The following AARSD1 variants were observed in gnomAD, a reference collection of about 807,000 sequenced individuals.
AARSD1 encodes alanyl-tRNA editing protein Aarsd1.
AARSD1 carries 44 observed loss-of-function variants against 48.7 expected under a neutral mutation model. That is an observed-to-expected ratio of 0.90 (90% CI 0.71 to 1.16). AARSD1 has a LOEUF of 1.16. Ranked by LOEUF, AARSD1 falls within the 50% of genes most tolerant of loss-of-function variation. The pLI is 0.00. For missense variants in AARSD1, 511 were observed against 523.1 expected, an observed-to-expected ratio of 0.98 and a Z score of 0.23; for synonymous variants, 189 against 194.9, an observed-to-expected ratio of 0.97 and a Z score of 0.25.
At chr17:42,956,918 C>T (rs530208497) in intron 4 of AARSD1, among the ~76,000 whole-genome samples, 16 of 146,750 alleles carry the variant, frequency 1.1e-4, no homozygotes, top group Admixed American at 8.2e-4. Flanking sequence ...CCGCCCGCCT[C>T]GGCCTCCCAA....
At chr17:42,956,615 G>A in intron 4 of AARSD1, 55 bp from the exon 5 acceptor site, 3 of 1,298,004 alleles carry the variant, frequency 2.3e-6, no homozygotes, top group Admixed American at 2.7e-5. Context: ...AGAAAAAGCT[G>A]AAAGCTTTTC....
At chr17:42,959,658 A>G (rs28809209) in intron 3 of AARSD1, among the ~76,000 whole-genome samples, 6,841 of 147,424 alleles carry the variant, frequency 0.046, 526 homozygotes, top group African/African-American at 0.16. Flanking sequence ...GTGCCCAGCC[A>G]TTTCTCTTTT....
In AARSD1 at chr17:42,957,155, C is replaced by T. The variant is rs1470182387; in HGVS notation, c.372G>A (p.Lys124=). The T allele has an allele frequency of 6.2e-7, 1 of 1,613,482 alleles. No individual in the cohort carries two copies. The highest frequency in any genetic ancestry group is 1.1e-5 in the South Asian group (1 of 91,054). The change falls in exon 4 of 12, where the codon AAG becomes AAA. Residue 124 remains lysine (K), a synonymous_variant. Coordinates refer to ENST00000427569, the MANE Select transcript of AARSD1 (RefSeq NM_001261434.2). ...CCACTCACCATGATGTTGTCTTCAG[C>T]TTAAATAGATGGTCAGCAACTGCCG... ...LITAVADHLF[K]LKTTSWELGR... is the part of the protein sequence containing the mutation.
At chr17:42,953,682 T>A (rs369935771) in intron 10 of AARSD1, 42 bp downstream of exon 10, 24 of 1,613,876 alleles carry the variant, frequency 1.5e-5, no homozygotes, top group Non-Finnish European at 2.0e-5. Flanking sequence ...TCTCCCTAGG[T>A]CTCTATCCAG....
At chr17:42,952,993 G>C (rs1295112392) in intron 10 of AARSD1, among the ~76,000 whole-genome samples, 1 of 151,682 alleles carries the variant, frequency 6.6e-6, no homozygotes, top group African/African-American at 2.4e-5. Flanking sequence ...TTTGTCTTCT[G>C]TTTTGAGACA....
At chr17:42,952,099 A>C in intron 10 of AARSD1, 2 of 554,822 alleles carry the variant, frequency 3.6e-6, no homozygotes. Flanking sequence ...AACTTAGGTG[A>C]AACATTAAGA....
chr17:42,956,691 G>A (rs1223348840), intron 4 of AARSD1, 131 bp from the exon 5 acceptor site: 45 of 540,736 alleles, frequency 8.3e-5, no homozygotes, highest in African/African-American at 1.3e-4. Context: ...TTTTTGAGAC[G>A]GAGTCTCGCT....
rs956667810 is a variant in AARSD1, at chr17:42,962,203, G to A, written c.172-852C>T. ...TAGTCCTAGCTACTCGGGAGACTGA[G>A]GCAGGGGAATTGCTTGAACCTGGCA... On this transcript the variant is annotated intron_variant, in intron 2 of 11. Coordinates refer to ENST00000427569, the MANE Select transcript of AARSD1 (RefSeq NM_001261434.2). The A allele has an allele frequency of 1.1e-4, 33 of 297,698 alleles. No homozygotes were observed. In the Admixed American group the frequency reaches 1.3e-3, roughly 12 times the overall value. The allele number at this position is 297,698 out of a possible 1,614,324, so 18.4% of individuals were successfully genotyped here. A position where few individuals can be genotyped will look rare whatever the true frequency, so the allele number is the denominator to read the frequency against.
chr17:42,955,314 G>C, intron 7 of AARSD1, 90 bp from the exon 8 acceptor site: 6 of 1,506,626 alleles, frequency 4.0e-6, no homozygotes, highest in Non-Finnish European at 5.4e-6. Context: ...TCTTGCTATG[G>C]TGCCTCCCTG....
chr17:42,958,527 AATTT>A (rs1056900668), intron 3 of AARSD1, among the ~76,000 whole-genome samples: 24 of 151,640 alleles, frequency 1.6e-4, no homozygotes, highest in Non-Finnish European at 3.2e-4. Flanking sequence ...AATTAAATAA[AATTT>A]ATTTCATTTT....
At chr17:42,956,591 T>C in intron 4 of AARSD1, 31 bp from the exon 5 acceptor site, 1 of 1,553,408 alleles carries the variant, frequency 6.4e-7, no homozygotes, top group Admixed American at 1.9e-5. Flanking sequence ...ACAGATAACA[T>C]ATCTTACTGA....
chr17:42,960,954 T>C, intron 3 of AARSD1: 1 of 547,180 alleles, frequency 1.8e-6, no homozygotes, highest in South Asian at 3.4e-5. Flanking sequence ...GATGGAGATA[T>C]CGAGTGGGAA....
rs1026348765 is a variant in AARSD1 at position 42,956,122 on chromosome 17, C to A, written c.663+82G>T. ...TTTCACTTAGGACTCCTCGATTATCCCCCTCTCCCACTCCCAGCCCCATGT... is the reference window on the plus strand; with the variant it reads ...TTTCACTTAGGACTCCTCGATTATCACCCTCTCCCACTCCCAGCCCCATGT... On this transcript the variant is annotated intron_variant, in intron 6 of 11. Transcript: ENST00000427569. 5 of 1,610,450 alleles carry A rather than the reference C, an allele frequency of 3.1e-6. No individual in the cohort carries two copies. In the African/African-American group the frequency reaches 6.7e-5, roughly 22 times the overall value.
rs200712342 is a variant in AARSD1 at position 42,950,729 on chromosome 17, C to A, written c.1104-1G>T. 4.7e-5 allele frequency: 76 copies of A among 1,612,838 alleles called. No homozygotes were observed. The African/African-American group carries it at 9.5e-4, about 20-fold the overall frequency. Reference sequence around the variant, plus strand: ...TTTGCCTTCCAGGACCTCAGCCACCCTGGGGAACAGAGGTATAGTCAGGGA... The same window carrying A: ...TTTGCCTTCCAGGACCTCAGCCACCATGGGGAACAGAGGTATAGTCAGGGA... On this transcript the variant is annotated splice_acceptor_variant, in intron 11 of 11. Coordinates refer to ENST00000427569, the MANE Select transcript of AARSD1 (RefSeq NM_001261434.2). LOFTEE classifies it high-confidence loss of function.
At position 42,964,318 on chromosome 17, in the gene AARSD1, T is replaced by G. The variant is rs930071921; in HGVS notation, c.40-81A>C. 11 of 1,602,212 alleles carry G rather than the reference T, an allele frequency of 6.9e-6. No individual in the cohort carries two copies. In the African/African-American group the frequency reaches 9.4e-5, roughly 14 times the overall value. Reference sequence around the variant, plus strand: ...CTCCACACCAGGACAGAATGCCATGTTGGCACTCCCTACACGTGGCGCCCT... The same window carrying G: ...CTCCACACCAGGACAGAATGCCATGGTGGCACTCCCTACACGTGGCGCCCT... On this transcript the variant is annotated intron_variant, in intron 1 of 11. Transcript: ENST00000427569.
At chr17:42,957,413 G>T in intron 3 of AARSD1, 1 of 364,928 alleles carries the variant, frequency 2.7e-6, no homozygotes, top group Non-Finnish European at 4.9e-6. Context: ...CTGAAGCCTA[G>T]AGAGATCAAA....
intron 10 of AARSD1, 51 bp downstream of exon 10, chr17:42,953,673 C>T (rs940300239): frequency 6.2e-7 from 1 of 1,613,610 alleles, no homozygotes; most frequent in Non-Finnish European, 8.5e-7. Flanking sequence ...TCACTTATGT[C>T]TCCCTAGGTC....
intron 10 of AARSD1, 144 bp from the exon 11 acceptor site, chr17:42,952,038 C>A: frequency 1.1e-6 from 1 of 920,048 alleles, no homozygotes; most frequent in Non-Finnish European, 1.6e-6. Flanking sequence ...TGATACAGCC[C>A]CTCCACACTG....
intron 1 of AARSD1, 25 bp from the exon 2 acceptor site, chr17:42,964,262 A>G: frequency 2.6e-6 from 4 of 1,510,276 alleles, no homozygotes; most frequent in East Asian, 4.8e-5. Flanking sequence ...ATGAGAGAAT[A>G]AGCCCCGACC....
Sources: gnomAD v4.1 joint callset for allele counts (sites outside exome capture counted in the v4.1 genomes callset) on GRCh38, gnomAD v4.1.1 for gene constraint, MANE v1.5 for transcripts, NCBI Gene and HGNC (gene_info 2026-07-23, HGNC 2026-07-21) for gene names.